Variants in ARID1B observed in about 807,000 individuals in gnomAD.
The protein encoded by ARID1B is AT-rich interaction domain 1B.
In ARID1B, 30 loss-of-function variants were observed where a neutral mutation model predicts 212.3. The ratio of observed to expected loss-of-function variants is 0.14; its 90% confidence interval spans 0.11 to 0.19. The LOEUF is 0.19. Ranked by LOEUF, ARID1B falls within the 10% of genes least tolerant of loss-of-function variation. The probability of loss-of-function intolerance (pLI) is 1.00; values close to 1 mark genes in which losing one functional copy is unlikely to be tolerated. For missense variants in ARID1B, 2,891 were observed against 3,204.0 expected (o/e 0.90, Z 2.36); for synonymous variants, 1,402 against 1,301.7 (o/e 1.08, Z -1.66).
At chr6:156,779,879 A>C (rs1779103379) in intron 1 of ARID1B, 1 of 154,188 alleles carries the variant, frequency 6.5e-6, no homozygotes, top group Non-Finnish European at 1.5e-5. Context: ...GAGCCACCCG[A>C]TCGGTTCTGG....
chr6:157,076,727 G>A (rs1280794190), intron 4 of ARID1B, among the ~76,000 whole-genome samples: 1 of 152,080 alleles, frequency 6.6e-6, no homozygotes, highest in Non-Finnish European at 1.5e-5. Context: ...TGTAGGCAAA[G>A]TCTGAATCTT....
At chr6:156,857,483 G>T (rs998241308) in intron 2 of ARID1B, among the ~76,000 whole-genome samples, 1 of 152,098 alleles carries the variant, frequency 6.6e-6, no homozygotes, top group Admixed American at 6.5e-5. Flanking sequence ...AAGCCCTCTT[G>T]CTCAAGTGTG....
At chr6:157,157,415 G>A (rs1790647348) in intron 8 of ARID1B, among the ~76,000 whole-genome samples, 1 of 152,254 alleles carries the variant, frequency 6.6e-6, no homozygotes, top group Admixed American at 6.5e-5. Flanking sequence ...TGCAACAGGA[G>A]TGGCAATGGC....
At chr6:157,131,005 C>T (rs1788507960) in intron 6 of ARID1B, among the ~76,000 whole-genome samples, 2 of 152,316 alleles carry the variant, frequency 1.3e-5, no homozygotes, top group African/African-American at 2.4e-5. Flanking sequence ...GAGTATTTCA[C>T]AGCTCCATCT....
intron 6 of ARID1B, chr6:157,110,890 G>C (rs1313800716): frequency 8.3e-6 from 3 of 360,458 alleles, no homozygotes; most frequent in Non-Finnish European, 1.6e-5. Flanking sequence ...CTCAACTAGG[G>C]TATCAGTCCC....
rs561639312 is a variant in ARID1B at position 156,839,598 on chromosome 6, A to C, written c.1986+10177A>C. Among the ~76,000 whole-genome samples the C allele has an allele frequency of 1.8e-4, 28 of 152,300 alleles. No individual in the cohort carries two copies. The South Asian group carries it at 5.8e-3, about 32-fold the overall frequency. On this transcript the variant is annotated intron_variant, in intron 2 of 19. Coordinates refer to ENST00000636930, the MANE Select transcript of ARID1B (RefSeq NM_001374828.1). ...AGTGTCTCTGGCTGAGTTCTCACCCATTCTTCTTCCTCCTTGGCGTCAAAA... is the reference window on the plus strand; with the variant it reads ...AGTGTCTCTGGCTGAGTTCTCACCCCTTCTTCTTCCTCCTTGGCGTCAAAA...
chr6:157,148,486 C>G lies in ARID1B; in HGVS notation c.2762-138C>G, dbSNP rs1789960715. Reference sequence around the variant, plus strand: ...AGCATGTTTGAGACTGGCAGCTGCACCAGCAGCAACAGGAAGGGCCTATAA... The same window carrying G: ...AGCATGTTTGAGACTGGCAGCTGCAGCAGCAGCAACAGGAAGGGCCTATAA... On this transcript the variant is annotated intron_variant, in intron 7 of 19. Coordinates refer to ENST00000636930, the MANE Select transcript of ARID1B (RefSeq NM_001374828.1). This position sits in a 1 kb window ranked among gnomAD's most constrained non-coding sequence, Gnocchi z 5.6. The G allele has an allele frequency of 2.2e-6, 2 of 915,016 alleles. No individual in the cohort carries two copies. Among genetic ancestry groups the G allele is most frequent in the Admixed American group, 5.6e-5 (2 of 35,478 alleles). The allele number at this position is 915,016 out of a possible 1,614,324, so 56.7% of individuals were successfully genotyped here. A position where few individuals can be genotyped will look rare whatever the true frequency, so the allele number is the denominator to read the frequency against.
At chr6:157,122,239 G>GT (rs1254512338) in intron 6 of ARID1B, among the ~76,000 whole-genome samples, 22 of 152,226 alleles carry the variant, frequency 1.4e-4, no homozygotes, top group Admixed American at 6.5e-4. Context: ...TTGAAGTAGC[G>GT]TTTTTCCTAG....
At chr6:157,186,126 A>G (rs1792956945) in intron 13 of ARID1B, 1 of 192,986 alleles carries the variant, frequency 5.2e-6, no homozygotes, top group Admixed American at 5.6e-5. Flanking sequence ...GTGTCACTGA[A>G]TGGGCTGCAC....
At chr6:156,844,713 C>G (rs1024122438) in intron 2 of ARID1B, among the ~76,000 whole-genome samples, 5 of 152,240 alleles carry the variant, frequency 3.3e-5, no homozygotes, top group Admixed American at 3.3e-4. Flanking sequence ...CCTGTATTTC[C>G]TTTTCCCTCT....
At chr6:156,918,100 G>GA (rs1790502049) in intron 3 of ARID1B, among the ~76,000 whole-genome samples, 2 of 152,026 alleles carry the variant, frequency 1.3e-5, no homozygotes, top group East Asian at 1.9e-4. Flanking sequence ...GCTTAACTTA[G>GA]AAAAAATACT....
chr6:157,161,888 T>C (rs1241581758), intron 8 of ARID1B, among the ~76,000 whole-genome samples: 1 of 152,208 alleles, frequency 6.6e-6, no homozygotes, highest in Non-Finnish European at 1.5e-5. Flanking sequence ...GAGAAAGTTA[T>C]GTACACCTGG....
intron 2 of ARID1B, among the ~76,000 whole-genome samples, chr6:156,884,893 A>C (rs1004194238): frequency 5.3e-5 from 8 of 152,172 alleles, no homozygotes; most frequent in African/African-American, 1.9e-4. Flanking sequence ...GAGCTCGGGG[A>C]AGTCCTTCCG....
chr6:156,986,177 A>C (rs1777904819), intron 4 of ARID1B, among the ~76,000 whole-genome samples: 1 of 152,146 alleles, frequency 6.6e-6, no homozygotes, highest in South Asian at 2.1e-4. Context: ...ACCTGTCCTC[A>C]GGTGTCAAGG....
chr6:157,144,750 G>A (rs1001433767), intron 7 of ARID1B, among the ~76,000 whole-genome samples: 3 of 152,166 alleles, frequency 2.0e-5, no homozygotes, highest in South Asian at 2.1e-4. Flanking sequence ...TGCCTTTTCC[G>A]CCGAGACTGC....
chr6:157,198,713 C>A, intron 16 of ARID1B, 98 bp from the exon 17 acceptor site: 2 of 1,019,102 alleles, frequency 2.0e-6, no homozygotes, highest in Non-Finnish European at 2.9e-6. Context: ...CCACACAGAG[C>A]TGCTTGAGGG....
Position 156,785,359 on chromosome 6 carries a change from C to T in ARID1B, c.1791+5888C>T, listed in dbSNP as rs74834420. ...TGTAAGGTGCACTTCTCAGTGTCTT[C>T]CTGGGCCTTGATGAATGATGAGCTG... On this transcript the variant is annotated intron_variant, in intron 1 of 19. Transcript: ENST00000636930. Among the ~76,000 whole-genome samples, 824 of 152,254 alleles carry T rather than the reference C, an allele frequency of 5.4e-3. 2 individuals are homozygous for T. The highest frequency in any genetic ancestry group is 9.0e-3 in the Non-Finnish European group (615 of 68,014).
At chr6:156,984,030 AT>A (rs113950954) in intron 4 of ARID1B, among the ~76,000 whole-genome samples, 8,963 of 151,804 alleles carry the variant, frequency 0.059, 891 homozygotes, top group African/African-American at 0.21. Context: ...TAAAACAATC[AT>A]TTTTTTTACC....
chr6:157,184,330 C>T lies in ARID1B; in HGVS notation c.3814C>T (p.Leu1272=), dbSNP rs1792800973. ...CCTGAAAAAGCAGTATATTCAGTACCTGTTTGCCTTTGAGTGCAAGATCGA... is the reference window on the plus strand; with the variant it reads ...CCTGAAAAAGCAGTATATTCAGTACTTGTTTGCCTTTGAGTGCAAGATCGA... ...SSLKKQYIQY[L]FAFECKIERG... is the part of the protein sequence containing the mutation. Residue 1272 remains leucine, a synonymous_variant, in exon 13 of 20, where the codon CTG becomes TTG. Transcript: ENST00000636930. 6.2e-7 allele frequency: 1 copy of T among 1,614,080 alleles called. No homozygotes were observed. The highest frequency in any genetic ancestry group is 1.7e-5 in the Admixed American group (1 of 60,014).
Sources: gnomAD v4.1 joint callset for allele counts (sites outside exome capture counted in the v4.1 genomes callset) on GRCh38, gnomAD v4.1.1 for gene constraint, Gnocchi (gnomAD v3.1) non-coding constraint, MANE v1.5 for transcripts, NCBI Gene and HGNC (gene_info 2026-07-23, HGNC 2026-07-21) for gene names.